The following SPTLC3 variants were observed in gnomAD, a reference collection of about 807,000 sequenced individuals.
The protein encoded by SPTLC3 is serine palmitoyltransferase long chain base subunit 3.
Under a neutral mutation model 59.3 loss-of-function variants are expected in SPTLC3, and 36 were observed. That is an observed-to-expected ratio of 0.61 (90% confidence interval 0.47 to 0.80). The LOEUF is 0.80. Among genes scored for constraint, SPTLC3 ranks in the 30% least tolerant of loss-of-function variants. The pLI is 0.00. For missense variants in SPTLC3, 625 were observed against 685.1 expected (o/e 0.91, Z 0.98); for synonymous variants, 257 against 240.8 (o/e 1.07, Z -0.62).
rs537335546 is a variant in SPTLC3 at position 13,025,699 on chromosome 20, T to C, written c.117+16315T>C. On this transcript the variant is annotated intron_variant, in intron 1 of 11. Coordinates refer to ENST00000399002, the MANE Select transcript of SPTLC3 (RefSeq NM_018327.4). ...AACAGTGCCAGAATATGACAAGAGG[T>C]TGCATATTGGTTGACCTGCAGAAAC... Among the ~76,000 whole-genome samples, 20 of 152,290 alleles carry C rather than the reference T, an allele frequency of 1.3e-4. No individual in the cohort carries two copies. The East Asian group carries it at 3.9e-3, about 29-fold the overall frequency.
chr20:13,050,904 C>T (rs995728523), intron 2 of SPTLC3: 1 of 152,156 alleles, frequency 6.6e-6, no homozygotes, highest in Non-Finnish European at 1.5e-5. Flanking sequence ...GCCACCACTA[C>T]AAGAACTGAT....
intron 6 of SPTLC3, 40 bp from the exon 7 acceptor site, chr20:13,110,072 C>A: frequency 1.3e-6 from 2 of 1,523,952 alleles, no homozygotes; most frequent in South Asian, 1.2e-5. Context: ...AAAAGTAAAC[C>A]CTTTCATGAC....
At chr20:13,041,185 C>G (rs751905687) in intron 1 of SPTLC3, among the ~76,000 whole-genome samples, 2 of 152,066 alleles carry the variant, frequency 1.3e-5, no homozygotes, top group Non-Finnish European at 2.9e-5. Context: ...TCCTTTTTCT[C>G]TCCTCTCTTT....
In SPTLC3 at chr20:13,009,851, T is replaced by A. The variant is rs139769468; in HGVS notation, c.117+467T>A. Reference sequence around the variant, plus strand: ...AATGCATCACTGTTTGAAAGGCGAGTTATTATTGGTGTGTAGTGGAGCATT... The same window carrying A: ...AATGCATCACTGTTTGAAAGGCGAGATATTATTGGTGTGTAGTGGAGCATT... On this transcript the variant is annotated intron_variant, in intron 1 of 11. Transcript: ENST00000399002. Among the ~76,000 whole-genome samples the A allele has an allele frequency of 7.1e-4, 108 of 152,096 alleles. 1 individual carries two copies. In the East Asian group the frequency reaches 0.018, roughly 25 times the overall value.
At chr20:13,009,586 A>G (rs967813714) in intron 1 of SPTLC3, among the ~76,000 whole-genome samples, 1 of 152,238 alleles carries the variant, frequency 6.6e-6, no homozygotes, top group Non-Finnish European at 1.5e-5. Context: ...TTCTGTATGC[A>G]AAAGAGGATA....
rs1988570490 is a variant in SPTLC3, at chr20:13,074,509, C to T, written c.607+12C>T. ...CAGGCATGAAATGGGTATGTACATT[C>T]ACTGTTTTGAAACTTTTTGCTGTTA... On this transcript the variant is annotated intron_variant, in intron 4 of 11. Coordinates refer to ENST00000399002, the MANE Select transcript of SPTLC3 (RefSeq NM_018327.4). 2 of 1,599,252 alleles carry T rather than the reference C, an allele frequency of 1.3e-6. No homozygotes were observed. The highest frequency in any genetic ancestry group is 1.3e-5 in the African/African-American group (1 of 74,496).
intron 1 of SPTLC3, among the ~76,000 whole-genome samples, chr20:13,020,509 C>G (rs1053500782): frequency 6.6e-6 from 1 of 152,100 alleles, no homozygotes; most frequent in African/African-American, 2.4e-5. Flanking sequence ...GCCTAGGCAA[C>G]AGAGTGAGAC....
rs1236830143 is a variant in SPTLC3 at position 13,049,070 on chromosome 20, C to G, written c.243C>G (p.Asp81Glu). ...GIGTLFGYLR[D>E]FLRNWGIEKC... ...GAACCCTGTTTGGCTATCTCAGAGA[C>G]TTTTTAAGAAACTGGGGAATAGAAA... The change falls in exon 2 of 12, where the codon GAC (aspartate) becomes GAG (glutamate). Residue 81 changes from aspartate (D) to glutamate (E), a missense_variant. Asp to Glu is a conservative substitution (Grantham distance 45, BLOSUM62 2). Transcript: ENST00000399002. 6.2e-7 allele frequency: 1 copy of G among 1,613,686 alleles called. No individual in the cohort carries two copies. The highest frequency in any genetic ancestry group is 8.5e-7 in the Non-Finnish European group (1 of 1,179,860).
At chr20:13,065,265 G>GTTTTTTTTTTTTTTTTTTTTTTTTTT (rs34809007) in intron 2 of SPTLC3, among the ~76,000 whole-genome samples, 1 of 138,234 alleles carries the variant, frequency 7.2e-6, no homozygotes, top group African/African-American at 2.7e-5. Flanking sequence ...ATTTGTTAGA[G>GTTTTTTTTTTTTTTTTTTTTTTTTTT]TTTTTTTTTT....
intron 4 of SPTLC3, among the ~76,000 whole-genome samples, chr20:13,083,270 T>C (rs923094175): frequency 6.6e-5 from 10 of 152,176 alleles, no homozygotes; most frequent in African/African-American, 2.4e-4. Context: ...AGGGTAAAGA[T>C]GTGTATATTC....
intron 2 of SPTLC3, among the ~76,000 whole-genome samples, chr20:13,065,378 T>C (rs1453213180): frequency 6.6e-6 from 1 of 151,758 alleles, no homozygotes; most frequent in Non-Finnish European, 1.5e-5. Flanking sequence ...TACCTTATAT[T>C]CTAGTTTACC....
chr20:13,136,053 A>C lies in SPTLC3; in HGVS notation c.1279+9336A>C, dbSNP rs183962260. Among the ~76,000 whole-genome samples, 11 of 152,348 alleles carry C rather than the reference A, an allele frequency of 7.2e-5. 1 individual carries two copies. The highest frequency in any genetic ancestry group is 3.9e-4 in the Admixed American group (6 of 15,306). On this transcript the variant is annotated intron_variant, in intron 9 of 11. Coordinates refer to ENST00000399002, the MANE Select transcript of SPTLC3 (RefSeq NM_018327.4). ...ATGTGTAATATCTGATTTCAGTAGA[A>C]TACACCTGCATCATTGTTAATAACA...
intron 7 of SPTLC3, among the ~76,000 whole-genome samples, chr20:13,112,279 G>T (rs1236351190): frequency 6.6e-6 from 1 of 152,150 alleles, no homozygotes; most frequent in Non-Finnish European, 1.5e-5. Flanking sequence ...TCTGGCCCTC[G>T]GTACTGGCTC....
intron 1 of SPTLC3, among the ~76,000 whole-genome samples, chr20:13,014,658 G>A: frequency 6.6e-6 from 1 of 152,094 alleles, no homozygotes; most frequent in East Asian, 1.9e-4. Flanking sequence ...AGGAAAAATA[G>A]TGAAGTGAGG....
intron 1 of SPTLC3, among the ~76,000 whole-genome samples, chr20:13,028,347 C>CA (rs1986260919): frequency 6.6e-6 from 1 of 152,128 alleles, no homozygotes; most frequent in African/African-American, 2.4e-5. Flanking sequence ...CCAGTGGAAT[C>CA]AGACTTCAGA....
chr20:13,151,903 A>T lies in SPTLC3; in HGVS notation c.1280-2100A>T, dbSNP rs529441288. 3.3e-5 allele frequency among the ~76,000 whole-genome samples: 5 copies of T among 152,220 alleles called. No individual in the cohort carries two copies. The South Asian group carries it at 1.0e-3, about 32-fold the overall frequency. ...CTAGACTCCAACCTAGCGATATCCT[A>T]TGCTAGTGATACCTTACCTAACCGC... On this transcript the variant is annotated intron_variant, in intron 9 of 11. Coordinates refer to ENST00000399002, the MANE Select transcript of SPTLC3 (RefSeq NM_018327.4).
chr20:13,144,502 A>G (rs1217291371), intron 9 of SPTLC3, among the ~76,000 whole-genome samples: 1 of 152,228 alleles, frequency 6.6e-6, no homozygotes, highest in Non-Finnish European at 1.5e-5. Flanking sequence ...ATCTCTATAG[A>G]TATAGAGGCA....
intron 4 of SPTLC3, among the ~76,000 whole-genome samples, chr20:13,074,742 T>C (rs1369058159): frequency 1.3e-5 from 2 of 152,220 alleles, no homozygotes; most frequent in Non-Finnish European, 2.9e-5. Context: ...TTATCTAAAA[T>C]AGCAACACTG....
chr20:13,034,080 A>G (rs1215191093), intron 1 of SPTLC3, among the ~76,000 whole-genome samples: 2 of 152,234 alleles, frequency 1.3e-5, no homozygotes, highest in Non-Finnish European at 2.9e-5. Flanking sequence ...AAGGTGGAAC[A>G]TCAGAGATCA....
Sources: allele counts gnomAD v4.1 joint callset (sites outside exome capture counted in the v4.1 genomes callset), GRCh38; gene constraint gnomAD v4.1.1; transcripts MANE v1.5; gene names NCBI Gene and HGNC (gene_info 2026-07-23, HGNC 2026-07-21).